LEMD3: variants seen among roughly 807,000 people sequenced by gnomAD.
The protein encoded by LEMD3 is inner nuclear membrane protein Man1.
LEMD3 carries 33 observed loss-of-function variants against 95.2 expected under a neutral mutation model. The observed-to-expected ratio is 0.35, with a 90% CI of 0.26 to 0.46. The LOEUF (loss-of-function observed/expected upper bound fraction) is 0.46, where lower values mean the gene tolerates loss of function less well. Ranked by LOEUF, LEMD3 falls within the 20% of genes least tolerant of loss-of-function variation. The probability of loss-of-function intolerance (pLI) is 1.00; values close to 1 mark genes in which losing one functional copy is unlikely to be tolerated. For synonymous variants in LEMD3, 525 were observed against 474.6 expected (o/e 1.11, Z -1.38); for missense variants, 1,210 against 1,192.8 (o/e 1.01, Z -0.21).
At chr12:65,171,218 A>G (rs762287082) in intron 1 of LEMD3, 100 bp downstream of exon 1, 137 of 1,573,092 alleles carry the variant, frequency 8.7e-5, no homozygotes, top group Non-Finnish European at 1.1e-4. Context: ...TACCTGCAAG[A>G]ATATGGTTTA....
At chr12:65,240,715 G>C in intron 8 of LEMD3, 194 bp from the exon 9 acceptor site, 1 of 600,394 alleles carries the variant, frequency 1.7e-6, no homozygotes, top group South Asian at 2.1e-5. Context: ...AAAAAATACA[G>C]ATGTTTGTGC....
chr12:65,196,686 C>G (rs1372503451), intron 1 of LEMD3, among the ~76,000 whole-genome samples: 1 of 151,612 alleles, frequency 6.6e-6, no homozygotes, highest in East Asian at 1.9e-4. Context: ...CGGAAATGCT[C>G]ATAGTCAAGA....
At chr12:65,242,807 A>G (rs1225268787) in intron 9 of LEMD3, among the ~76,000 whole-genome samples, 2 of 152,204 alleles carry the variant, frequency 1.3e-5, no homozygotes, top group African/African-American at 2.4e-5. Context: ...TAAAATATGT[A>G]GTTTTAAAAG....
At chr12:65,177,445 T>G (rs983849914) in intron 1 of LEMD3, among the ~76,000 whole-genome samples, 3 of 152,196 alleles carry the variant, frequency 2.0e-5, no homozygotes, top group African/African-American at 7.2e-5. Flanking sequence ...ATAATATCAT[T>G]GGAGGAATTA....
intron 4 of LEMD3, among the ~76,000 whole-genome samples, chr12:65,231,303 A>AT (rs576720076): frequency 3.3e-5 from 5 of 152,182 alleles, no homozygotes; most frequent in East Asian, 1.9e-4. Context: ...TTTAAACAGG[A>AT]TTTTTTTCCC....
rs372032206 is a variant in LEMD3, at chr12:65,186,707, T to C, written c.1522+15589T>C. 8.2e-5 allele frequency among the ~76,000 whole-genome samples: 12 copies of C among 146,278 alleles called. No homozygotes were observed. In the East Asian group the frequency reaches 2.4e-3, roughly 29 times the overall value. On this transcript the variant is annotated intron_variant, in intron 1 of 12. Coordinates refer to ENST00000308330, the MANE Select transcript of LEMD3 (RefSeq NM_014319.5). Reference sequence around the variant, plus strand: ...CTAATAAATTATTTAAGGGTTAAAATAATAAAAGACACTGGTATTACATCA... The same window carrying C: ...CTAATAAATTATTTAAGGGTTAAAACAATAAAAGACACTGGTATTACATCA...
chr12:65,178,860 C>T (rs1426217339), intron 1 of LEMD3, among the ~76,000 whole-genome samples: 1 of 152,036 alleles, frequency 6.6e-6, no homozygotes, highest in Non-Finnish European at 1.5e-5. Flanking sequence ...CTATTATTGT[C>T]TTTATTTTCA....
At chr12:65,202,629 T>C (rs1323795242) in intron 1 of LEMD3, among the ~76,000 whole-genome samples, 1 of 152,186 alleles carries the variant, frequency 6.6e-6, no homozygotes, top group Non-Finnish European at 1.5e-5. Flanking sequence ...AAAGATATTG[T>C]AGAGAATTGG....
intron 1 of LEMD3, among the ~76,000 whole-genome samples, chr12:65,193,767 T>TGTGTGTGTGC (rs1437386304): frequency 6.7e-6 from 1 of 149,042 alleles, no homozygotes; most frequent in African/African-American, 2.4e-5. Context: ...TGTGTGTGTG[T>TGTGTGTGTGC]GTGTGTGTTG....
intron 1 of LEMD3, among the ~76,000 whole-genome samples, chr12:65,177,087 T>C (rs1278903011): frequency 6.6e-6 from 1 of 152,218 alleles, no homozygotes; most frequent in Non-Finnish European, 1.5e-5. Context: ...GAGAATTCAC[T>C]GTAAATTCTC....
At chr12:65,218,783 C>CTTTTTTT (rs10676847) in intron 4 of LEMD3, among the ~76,000 whole-genome samples, 164 bp downstream of exon 4, 1 of 123,084 alleles carries the variant, frequency 8.1e-6, no homozygotes, top group Non-Finnish European at 1.7e-5. Context: ...AATTGTTCAA[C>CTTTTTTT]TTTTTTTTTT....
rs1342772425 is a variant in LEMD3 at position 65,247,548 on chromosome 12, A to T, written c.*1223A>T. ...TAAACTTACTTTATTACTGTTTATG[A>T]TTTCAGATAAAAATAGTTGCTGAGT... On this transcript the variant is annotated 3_prime_UTR_variant, in exon 13 of 13. Transcript: ENST00000308330. 6.6e-6 allele frequency: 1 copy of T among 152,282 alleles called. No homozygotes were observed. Among genetic ancestry groups the T allele is most frequent in the Admixed American group, 6.5e-5 (1 of 15,296 alleles). The allele number at this position is 152,282 out of a possible 1,614,324, so 9.4% of individuals were successfully genotyped here. A position where few individuals can be genotyped will look rare whatever the true frequency, so the allele number is the denominator to read the frequency against.
rs1868481630 is a variant in LEMD3, at chr12:65,170,247, G to A, written c.651G>A (p.Val217=). 1.9e-6 allele frequency: 3 copies of A among 1,548,798 alleles called. No individual in the cohort carries two copies. Among genetic ancestry groups the A allele is most frequent in the East Asian group, 2.4e-5 (1 of 41,920 alleles). The change falls in exon 1 of 13, where the codon GTG becomes GTA. Residue 217 remains valine (V), a synonymous_variant. Transcript: ENST00000308330. ...CCCCGCCGGGGAAAGATGGAGCAGT[G>A]GAGGACGAGGAAGGGGAGGGAGAGG... is the stretch of plus-strand genomic sequence containing the variant. The part of the protein sequence containing the change: ...LQTPPGKDGA[V]EDEEGEGEDG...
In LEMD3 at chr12:65,170,732, T is replaced by G. The variant is rs1471518592; in HGVS notation, c.1136T>G (p.Leu379Trp). 1 of 1,614,094 alleles carries G rather than the reference T, an allele frequency of 6.2e-7. No individual in the cohort carries two copies. The highest frequency in any genetic ancestry group is 8.5e-7 in the Non-Finnish European group (1 of 1,180,032). Residue 379 changes from leucine to tryptophan, a missense_variant, in exon 1 of 13, where the codon TTG becomes TGG. By Grantham distance (61) the Leu-to-Trp change is moderately conservative. This residue lies in a region of LEMD3 where 749 missense variants were observed against 622.9 expected (regional missense o/e 1.20). Transcript: ENST00000308330. ...PPPLTDMDST[L>W]DSSTGSLLKT... Reference sequence around the variant, plus strand: ...CCACTTACTGACATGGACTCAACCTTGGATTCGTCAACAGGCTCCCTTCTG... The same window carrying G: ...CCACTTACTGACATGGACTCAACCTGGGATTCGTCAACAGGCTCCCTTCTG...
At chr12:65,231,029 A>G (rs372400819) in intron 4 of LEMD3, among the ~76,000 whole-genome samples, 2 of 151,950 alleles carry the variant, frequency 1.3e-5, no homozygotes, top group East Asian at 3.9e-4. Flanking sequence ...GAGTTATTTT[A>G]TGTTTCATAT....
rs146896083 is a variant in LEMD3 at position 65,243,413 on chromosome 12, A to C, written c.2331A>C (p.Ser777=). ...GQAFHLDRRN[S]PPNSLTPCLK... The stretch of plus-strand genomic sequence containing the variant: ...CATTTCATTTAGATAGAAGAAATTC[A>C]CCACCAAATAGTTTGACACCGTGTC... Residue 777 remains serine (S), a synonymous_variant, in exon 10 of 13, where the codon TCA becomes TCC. Coordinates refer to ENST00000308330, the MANE Select transcript of LEMD3 (RefSeq NM_014319.5). 1,292 of 1,601,566 alleles carry C rather than the reference A, an allele frequency of 8.1e-4. No individual in the cohort carries two copies. The highest frequency in any genetic ancestry group is 1.0e-3 in the Non-Finnish European group (1,204 of 1,168,650).
In LEMD3 at chr12:65,170,737, TC is replaced by T; in HGVS notation, c.1142del (p.Ser381CysfsTer7). 1 of 1,614,208 alleles carries T rather than the reference TC, an allele frequency of 6.2e-7. No homozygotes were observed. The highest frequency in any genetic ancestry group is 8.5e-7 in the Non-Finnish European group (1 of 1,180,032). On this transcript the variant is annotated frameshift_variant, in exon 1 of 13. Coordinates refer to ENST00000308330, the MANE Select transcript of LEMD3 (RefSeq NM_014319.5). LOFTEE classifies it high-confidence loss of function. ...TACTGACATGGACTCAACCTTGGAT[TC>T]GTCAACAGGCTCCCTTCTGAAAACC... ...PLTDMDSTLD[S>X]STGSLLKTNN...
chr12:65,226,932 T>C (rs1498788), intron 4 of LEMD3, among the ~76,000 whole-genome samples: 151,349 of 152,320 alleles, frequency 0.99, 75,202 homozygotes, highest in Middle Eastern at 1. Flanking sequence ...AGAAATTTTG[T>C]TTAAGGTTGT....
intron 9 of LEMD3, among the ~76,000 whole-genome samples, chr12:65,241,351 A>G (rs1454797608): frequency 1.3e-5 from 2 of 151,888 alleles, no homozygotes; most frequent in African/African-American, 4.8e-5. Flanking sequence ...TTAGTATTAT[A>G]TATATTAACT....
Sources: allele counts gnomAD v4.1 joint callset (sites outside exome capture counted in the v4.1 genomes callset), GRCh38; gene constraint gnomAD v4.1.1; regional missense constraint gnomAD v4.1.1; transcripts MANE v1.5; gene names NCBI Gene and HGNC (gene_info 2026-07-23, HGNC 2026-07-21).